The following ARHGEF9 variants were observed in gnomAD, a reference collection of about 807,000 sequenced individuals.
ARHGEF9 encodes the protein rho guanine nucleotide exchange factor 9.
Under a neutral mutation model 41.3 loss-of-function variants are expected in ARHGEF9, and 2 were observed. That is an observed-to-expected ratio of 0.05 (90% CI 0.02 to 0.15). The LOEUF (loss-of-function observed/expected upper bound fraction) is 0.15, where lower values mean the gene tolerates loss of function less well. Ranked by LOEUF, ARHGEF9 falls within the 10% of genes least tolerant of loss-of-function variation. The pLI is 1.00. For synonymous variants in ARHGEF9, 160 were observed against 154.4 expected (o/e 1.04, Z -0.27); for missense variants, 225 against 424.7 (o/e 0.53, Z 4.13).
At chrX:63,720,210 C>A (rs2053558791) in intron 2 of ARHGEF9, among the ~76,000 whole-genome samples, 1 of 111,853 alleles carries the variant, frequency 8.9e-6, no homozygotes, top group South Asian at 3.7e-4. Context: ...GCTACAAAAA[C>A]CAGGAAAGTA....
At chrX:63,775,726 A>T (rs190010834) in intron 1 of ARHGEF9, among the ~76,000 whole-genome samples, 1 of 111,893 alleles carries the variant, frequency 8.9e-6, no homozygotes, top group African/African-American at 3.2e-5. Context: ...ATTGAGTAAT[A>T]TGCTTATTAC....
chrX:63,691,878 A>G (rs1556381866), intron 4 of ARHGEF9, among the ~76,000 whole-genome samples: 1 of 111,685 alleles, frequency 9.0e-6, no homozygotes, highest in Non-Finnish European at 1.9e-5. Context: ...ATTGAACAGA[A>G]TAGAGAATCC....
At chrX:63,699,340 C>A (rs782442531) in intron 3 of ARHGEF9, among the ~76,000 whole-genome samples, 23 of 111,537 alleles carry the variant, frequency 2.1e-4, no homozygotes, top group African/African-American at 7.2e-4. Flanking sequence ...AAGAGGGCAG[C>A]GTAGATAGCT....
At chrX:63,738,445 A>G (rs2054747409) in intron 1 of ARHGEF9, among the ~76,000 whole-genome samples, 1 of 111,865 alleles carries the variant, frequency 8.9e-6, no homozygotes, top group East Asian at 2.8e-4. Flanking sequence ...AAAAGAGATT[A>G]GGAAACTGCA....
chrX:63,658,494 T>A (rs2049008902), intron 7 of ARHGEF9, among the ~76,000 whole-genome samples: 1 of 111,773 alleles, frequency 8.9e-6, no homozygotes, highest in Non-Finnish European at 1.9e-5. Context: ...ACAAGCCAGT[T>A]AACCTCTCTG....
chrX:63,682,196 C>G (rs1287585666), intron 4 of ARHGEF9, among the ~76,000 whole-genome samples: 1 of 109,670 alleles, frequency 9.1e-6, no homozygotes, highest in African/African-American at 3.3e-5. Flanking sequence ...GGAATACTCC[C>G]AAATGATTCT....
chrX:63,721,329 C>T (rs2053622170), intron 2 of ARHGEF9, among the ~76,000 whole-genome samples: 1 of 111,079 alleles, frequency 9.0e-6, no homozygotes. Flanking sequence ...CCTTTCATCT[C>T]CATACTTCCA....
intron 1 of ARHGEF9, chrX:63,754,494 T>C: frequency 2.7e-6 from 3 of 1,104,413 alleles, no homozygotes; most frequent in Non-Finnish European, 3.5e-6. Context: ...TTCAGCGCGT[T>C]CCCAGGAAAA....
intron 1 of ARHGEF9, chrX:63,754,936 C>T (rs1172417461): frequency 6.4e-6 from 6 of 939,522 alleles, no homozygotes; most frequent in Admixed American, 5.7e-5. Context: ...AGTGGTTCTC[C>T]GGCGCCTGCT....
chrX:63,663,615 T>C (rs1242175456), intron 7 of ARHGEF9, among the ~76,000 whole-genome samples: 2 of 111,249 alleles, frequency 1.8e-5, no homozygotes, highest in African/African-American at 6.5e-5. Context: ...CTTTCCTCCA[T>C]GGATTCTCTT....
At chrX:63,751,362 A>C (rs1210564242) in intron 1 of ARHGEF9, among the ~76,000 whole-genome samples, 2 of 111,650 alleles carry the variant, frequency 1.8e-5, no homozygotes, top group African/African-American at 6.5e-5. Flanking sequence ...GTCAAAATGC[A>C]TAGGGTTCCG....
chrX:63,649,809 C>T (rs1556325644), intron 8 of ARHGEF9, among the ~76,000 whole-genome samples: 1 of 111,846 alleles, frequency 8.9e-6, no homozygotes, highest in East Asian at 2.8e-4. Flanking sequence ...ATACTATAAA[C>T]ACCTCTACGC....
At chrX:63,722,397 CTTG>C (rs1188116130) in intron 2 of ARHGEF9, among the ~76,000 whole-genome samples, 1 of 102,735 alleles carries the variant, frequency 9.7e-6, no homozygotes, top group African/African-American at 3.6e-5. Flanking sequence ...TTGGGTTCTT[CTTG>C]TTGTTTTTTG....
At chrX:63,763,459 C>G (rs1381490245) in intron 1 of ARHGEF9, among the ~76,000 whole-genome samples, 1 of 103,473 alleles carries the variant, frequency 9.7e-6, no homozygotes, top group Non-Finnish European at 2.0e-5. Context: ...TTTCCCCACC[C>G]CCTCCCTCCA....
intron 2 of ARHGEF9, chrX:63,722,792 T>A (rs1380121450): frequency 8.9e-6 from 1 of 111,866 alleles, no homozygotes; most frequent in Non-Finnish European, 1.9e-5. Context: ...CTCACATTAG[T>A]CCTGAAGGTC....
intron 4 of ARHGEF9, among the ~76,000 whole-genome samples, chrX:63,690,087 G>T (rs1556379791): frequency 9.0e-6 from 1 of 111,383 alleles, no homozygotes; most frequent in African/African-American, 3.2e-5. Flanking sequence ...TCACTTCAAA[G>T]AATTAGGAAG....
At chrX:63,645,946 T>C (rs1254346246) in intron 8 of ARHGEF9, among the ~76,000 whole-genome samples, 3 of 112,252 alleles carry the variant, frequency 2.7e-5, no homozygotes, top group African/African-American at 9.7e-5. Context: ...TGGTACCTCA[T>C]TGTCGTTTTG....
At chrX:63,767,412 T>TA in intron 1 of ARHGEF9, 1 of 396,586 alleles carries the variant, frequency 2.5e-6, no homozygotes, top group East Asian at 6.3e-5. Context: ...TGACTGCTTT[T>TA]AAAAAATTTT....
rs183664688 is a variant in ARHGEF9 at position 63,674,711 on chromosome X, A to G, written c.816-544T>C. Among the ~76,000 whole-genome samples, 6 of 111,623 alleles carry G rather than the reference A, an allele frequency of 5.4e-5. No individual in the cohort carries two copies. The East Asian group carries it at 1.7e-3, about 32-fold the overall frequency. Reference sequence around the variant, plus strand: ...TCTTAGTGCACCTGAAGGAAAAGGAATGTGTTTATTAACGCCCACTGTTTT... The same window carrying G: ...TCTTAGTGCACCTGAAGGAAAAGGAGTGTGTTTATTAACGCCCACTGTTTT... On this transcript the variant is annotated intron_variant, in intron 5 of 9. Transcript: ENST00000671741.
Sources: gnomAD v4.1 joint callset for allele counts (sites outside exome capture counted in the v4.1 genomes callset) on GRCh38, gnomAD v4.1.1 for gene constraint, MANE v1.5 for transcripts, NCBI Gene and HGNC (gene_info 2026-07-23, HGNC 2026-07-21) for gene names.